Variants in TAFA4 observed in about 807,000 individuals in gnomAD.
The protein encoded by TAFA4 is TAFA chemokine like family member 4, also known as chemokine-like protein TAFA-4.
A neutral mutation model predicts 21.1 loss-of-function variants in TAFA4; 20 were observed. That is an observed-to-expected ratio of 0.95 (90% CI 0.67 to 1.38). The LOEUF (loss-of-function observed/expected upper bound fraction) is 1.38, where lower values mean the gene tolerates loss of function less well. Ranked by LOEUF, TAFA4 falls within the 40% of genes most tolerant of loss-of-function variation. The probability of loss-of-function intolerance (pLI) is 0.00; values close to 1 mark genes in which losing one functional copy is unlikely to be tolerated. For missense variants in TAFA4, 211 were observed against 180.9 expected (o/e 1.17, Z -0.95); for synonymous variants, 71 against 67.4 (o/e 1.05, Z -0.26).
At chr3:68,926,646 C>A (rs1043692111) in intron 1 of TAFA4, among the ~76,000 whole-genome samples, 1 of 152,174 alleles carries the variant, frequency 6.6e-6, no homozygotes, top group Non-Finnish European at 1.5e-5. Context: ...GGCGTGGTGG[C>A]TCAGGCCTGT....
intron 3 of TAFA4, among the ~76,000 whole-genome samples, chr3:68,866,072 C>A (rs140404075): frequency 6.6e-6 from 1 of 152,038 alleles, no homozygotes; most frequent in African/African-American, 2.4e-5. Flanking sequence ...CAGCAAGTGC[C>A]GGTAGGGAGA....
At chr3:68,828,130 G>A (rs1704296210) in intron 3 of TAFA4, among the ~76,000 whole-genome samples, 1 of 152,092 alleles carries the variant, frequency 6.6e-6, no homozygotes. Context: ...TATTAAATAG[G>A]GAATCCTTTC....
chr3:68,778,398 A>G (rs996347681), intron 3 of TAFA4, among the ~76,000 whole-genome samples: 14 of 152,328 alleles, frequency 9.2e-5, no homozygotes, highest in African/African-American at 3.4e-4. Context: ...TTCAAAATAA[A>G]CAGAGCAAAA....
intron 3 of TAFA4, among the ~76,000 whole-genome samples, chr3:68,856,093 A>G (rs1705063740): frequency 6.6e-6 from 1 of 152,100 alleles, no homozygotes; most frequent in African/African-American, 2.4e-5. Context: ...AGCTGGTACA[A>G]CTACCCTCAC....
At chr3:68,799,527 G>C (rs987375905) in intron 3 of TAFA4, among the ~76,000 whole-genome samples, 6 of 152,164 alleles carry the variant, frequency 3.9e-5, no homozygotes. Flanking sequence ...TGGTAAAAGA[G>C]GCTTTGCAGT....
At chr3:68,901,208 G>C (rs1171997356) in intron 1 of TAFA4, among the ~76,000 whole-genome samples, 2 of 152,030 alleles carry the variant, frequency 1.3e-5, no homozygotes, top group Non-Finnish European at 2.9e-5. Context: ...ACTAGAAGAG[G>C]ATGATCCAGG....
chr3:68,923,219 C>G (rs1404521754), intron 1 of TAFA4, among the ~76,000 whole-genome samples: 2 of 152,158 alleles, frequency 1.3e-5, no homozygotes, highest in Non-Finnish European at 2.9e-5. Context: ...TCACATCAAG[C>G]AGAGCTGCTT....
intron 1 of TAFA4, among the ~76,000 whole-genome samples, chr3:68,909,692 G>T (rs1243751330): frequency 6.6e-6 from 1 of 152,250 alleles, no homozygotes; most frequent in Non-Finnish European, 1.5e-5. Context: ...TCTACTATCA[G>T]ATGGGACTGG....
At chr3:68,895,684 A>C (rs555203105) in intron 1 of TAFA4, among the ~76,000 whole-genome samples, 1 of 152,166 alleles carries the variant, frequency 6.6e-6, no homozygotes, top group South Asian at 2.1e-4. Flanking sequence ...CCTCTGCATG[A>C]TTAATTCAAC....
chr3:68,806,224 C>A (rs1426093961), intron 3 of TAFA4, among the ~76,000 whole-genome samples: 3 of 152,106 alleles, frequency 2.0e-5, no homozygotes, highest in Non-Finnish European at 4.4e-5. Context: ...TGTGACATGG[C>A]ATTTTCTTGT....
At position 68,776,687 on chromosome 3, in the gene TAFA4, G is replaced by A. The variant is rs1382795708; in HGVS notation, c.131-23669C>T. ...TTACTATTTATGGAAGAGTACAACC[G>A]ACAACATCAGAATACACATTATTTT... On this transcript the variant is annotated intron_variant, in intron 3 of 5. Transcript: ENST00000295569. Among the ~76,000 whole-genome samples, 7 of 152,058 alleles carry A rather than the reference G, an allele frequency of 4.6e-5. No individual in the cohort carries two copies. The South Asian group carries it at 1.0e-3, about 23-fold the overall frequency.
chr3:68,868,488 T>C (rs544118126), intron 3 of TAFA4, among the ~76,000 whole-genome samples: 18 of 152,046 alleles, frequency 1.2e-4, no homozygotes, highest in African/African-American at 4.3e-4. Context: ...CCAGGACAGG[T>C]CACATGTTGA....
chr3:68,847,126 T>C (rs1423610337), intron 3 of TAFA4, among the ~76,000 whole-genome samples: 1 of 152,204 alleles, frequency 6.6e-6, no homozygotes, highest in East Asian at 1.9e-4. Flanking sequence ...CAGCTGTCCC[T>C]TCCCCGAGGT....
chr3:68,785,263 G>A (rs1021141815), intron 3 of TAFA4, among the ~76,000 whole-genome samples: 6 of 152,236 alleles, frequency 3.9e-5, no homozygotes, highest in Admixed American at 6.5e-5. Context: ...AGTGGATCTC[G>A]CACTGGGGCT....
chr3:68,737,479 C>A (rs900178097), intron 5 of TAFA4, among the ~76,000 whole-genome samples: 1 of 152,092 alleles, frequency 6.6e-6, no homozygotes, highest in Non-Finnish European at 1.5e-5. Context: ...GTATCACTAA[C>A]AAGGATAAGT....
intron 3 of TAFA4, among the ~76,000 whole-genome samples, chr3:68,763,025 G>A (rs528900890): frequency 2.0e-5 from 3 of 152,202 alleles, no homozygotes; most frequent in Non-Finnish European, 2.9e-5. Flanking sequence ...GCAACAGAGC[G>A]AGACTCCTTT....
At chr3:68,826,329 T>C (rs953440656) in intron 3 of TAFA4, among the ~76,000 whole-genome samples, 1 of 152,058 alleles carries the variant, frequency 6.6e-6, no homozygotes, top group Non-Finnish European at 1.5e-5. Context: ...ATCCCAACAC[T>C]TTGGGAGGCC....
intron 3 of TAFA4, among the ~76,000 whole-genome samples, chr3:68,871,166 G>C (rs1250272794): frequency 6.6e-6 from 1 of 152,048 alleles, no homozygotes; most frequent in Non-Finnish European, 1.5e-5. Context: ...CAAGGATCTA[G>C]AACCAGAAAT....
chr3:68,803,817 T>TTTTG (rs1703627373), intron 3 of TAFA4, among the ~76,000 whole-genome samples: 1 of 143,822 alleles, frequency 7.0e-6, no homozygotes, highest in Non-Finnish European at 1.5e-5. Context: ...TTTTTTTTTT[T>TTTTG]TTTGTGAGAC....
Sources: allele counts gnomAD v4.1 joint callset (sites outside exome capture counted in the v4.1 genomes callset), GRCh38; gene constraint gnomAD v4.1.1; transcripts MANE v1.5; gene names NCBI Gene and HGNC (gene_info 2026-07-23, HGNC 2026-07-21).